The following TRAPPC10 variants were observed in gnomAD, a reference collection of about 807,000 sequenced individuals.
TRAPPC10 encodes TRAPP 130 kDa subunit.
Under a neutral mutation model 125.5 loss-of-function variants are expected in TRAPPC10, and 23 were observed. That is an observed-to-expected ratio of 0.18 (90% confidence interval 0.13 to 0.26). The LOEUF (loss-of-function observed/expected upper bound fraction) is 0.26. Among genes scored for constraint, TRAPPC10 ranks in the 10% least tolerant of loss-of-function variants. TRAPPC10 has a pLI of 1.00. For synonymous variants in TRAPPC10, 509 were observed against 518.0 expected (o/e 0.98, Z 0.24); for missense variants, 1,123 against 1,308.4 (o/e 0.86, Z 2.19).
intron 1 of TRAPPC10, among the ~76,000 whole-genome samples, chr21:44,014,635 G>A (rs1383444958): frequency 2.0e-5 from 3 of 147,722 alleles, no homozygotes; most frequent in African/African-American, 7.7e-5. Context: ...CACCATGTTG[G>A]TGAGGCTGGT....
intron 1 of TRAPPC10, among the ~76,000 whole-genome samples, chr21:44,017,345 CAGT>C (rs1180936186): frequency 6.6e-6 from 1 of 152,124 alleles, no homozygotes; most frequent in Non-Finnish European, 1.5e-5. Flanking sequence ...GAAACGGGTA[CAGT>C]ACCAACCCCA....
intron 3 of TRAPPC10, among the ~76,000 whole-genome samples, chr21:44,051,732 A>G (rs1331175824): frequency 1.3e-5 from 2 of 152,208 alleles, no homozygotes; most frequent in Non-Finnish European, 2.9e-5. Flanking sequence ...TGCCTCTGAC[A>G]CGGCCTTCGC....
intron 1 of TRAPPC10, among the ~76,000 whole-genome samples, chr21:44,029,707 C>T (rs1168501523): frequency 2.0e-5 from 3 of 152,114 alleles, no homozygotes; most frequent in Non-Finnish European, 4.4e-5. Context: ...ACAGCATGGG[C>T]CTTTGTGTCC....
intron 7 of TRAPPC10, among the ~76,000 whole-genome samples, chr21:44,067,768 A>G (rs1340976013): frequency 6.6e-6 from 1 of 152,244 alleles, no homozygotes; most frequent in African/African-American, 2.4e-5. Flanking sequence ...AAACATTTGC[A>G]GGTGCCTGAT....
At chr21:44,042,628 T>G (rs1354489675) in intron 3 of TRAPPC10, among the ~76,000 whole-genome samples, 1 of 152,230 alleles carries the variant, frequency 6.6e-6, no homozygotes, top group Non-Finnish European at 1.5e-5. Context: ...ATGTTAAATA[T>G]CCACAAGACC....
chr21:44,022,757 T>C (rs1166697309), intron 1 of TRAPPC10, among the ~76,000 whole-genome samples: 1 of 152,094 alleles, frequency 6.6e-6, no homozygotes, highest in African/African-American at 2.4e-5. Flanking sequence ...ATGTTCCCTC[T>C]GTCTCTTTTT....
In TRAPPC10 at chr21:44,079,672, C is replaced by G; in HGVS notation, c.1578C>G (p.Ala526=). 6.2e-7 allele frequency: 1 copy of G among 1,607,810 alleles called. No individual in the cohort carries two copies. The highest frequency in any genetic ancestry group is 1.1e-5 in the South Asian group (1 of 89,594). The part of the protein sequence containing the change: ...LPITHTRKQL[A]ECQKHLGQIE... ...TCACACACACAAGGAAGCAGCTGGC[C>G]GAATGTCAAAAGCACCTTGGACAAA... Residue 526 remains alanine, a synonymous_variant, in exon 12 of 23, where the codon GCC becomes GCG. Transcript: ENST00000291574.
At chr21:44,032,015 T>A (rs1039517266) in intron 1 of TRAPPC10, 76 bp from the exon 2 acceptor site, 1 of 1,213,142 alleles carries the variant, frequency 8.2e-7, no homozygotes, top group African/African-American at 1.5e-5. Flanking sequence ...AAAACACCAA[T>A]TTATTAAGCT....
At chr21:44,027,663 G>A (rs992897546) in intron 1 of TRAPPC10, among the ~76,000 whole-genome samples, 3 of 152,138 alleles carry the variant, frequency 2.0e-5, no homozygotes, top group Non-Finnish European at 1.5e-5. Context: ...GTGAAGTGCC[G>A]GGGGCATAGC....
intron 2 of TRAPPC10, among the ~76,000 whole-genome samples, chr21:44,033,449 T>C (rs1418997148): frequency 1.3e-5 from 2 of 152,078 alleles, no homozygotes; most frequent in African/African-American, 4.8e-5. Context: ...GGCCCAGTGC[T>C]GTGAAAGAGA....
rs984761766 is a variant in TRAPPC10 at position 44,059,312 on chromosome 21, G to C, written c.790+98G>C. 6 of 815,726 alleles carry C rather than the reference G, an allele frequency of 7.4e-6. No individual in the cohort carries two copies. The African/African-American group carries it at 8.6e-5, about 12-fold the overall frequency. The allele number at this position is 815,726 out of a possible 1,614,324, so 50.5% of individuals were successfully genotyped here. A position where few individuals can be genotyped will look rare whatever the true frequency, so the allele number is the denominator to read the frequency against. On this transcript the variant is annotated intron_variant, in intron 6 of 22. Coordinates refer to ENST00000291574, the MANE Select transcript of TRAPPC10 (RefSeq NM_003274.5). This position sits in a 1 kb window ranked among gnomAD's most constrained non-coding sequence, Gnocchi z 4.4. ...AGCCATTTATTTACCTCAGGAGTAC[G>C]CATGTTTTGTTGTTGTCTTTATACA...
Position 44,063,581 on chromosome 21 carries a change from C to G in TRAPPC10, c.834C>G (p.Ser278Arg). Residue 278 changes from serine (S) to arginine (R), a missense_variant, in exon 7 of 23, where the codon AGC becomes AGG. By Grantham distance (110) the Ser-to-Arg change is moderately radical. Around this residue, in one of 4 missense-constraint regions of TRAPPC10, gnomAD observed 91 missense variants for 127.1 expected, o/e 0.72. Transcript: ENST00000291574. The surrounding 1 kb of genome is among the most constrained non-coding windows in gnomAD (Gnocchi z 4.4). ...CTTTTTTCTGCCAGCCAGTGAAGAGCTGGAACGGATTGATCCTCCGAAAAC... is the reference window on the plus strand; with the variant it reads ...CTTTTTTCTGCCAGCCAGTGAAGAGGTGGAACGGATTGATCCTCCGAAAAC... ...WLTFFCQPVK[S>R]WNGLILRKPI... 1 of 1,614,200 alleles carries G rather than the reference C, an allele frequency of 6.2e-7. No individual in the cohort carries two copies.
intron 1 of TRAPPC10, among the ~76,000 whole-genome samples, chr21:44,029,152 T>G (rs1224263559): frequency 6.6e-6 from 1 of 152,246 alleles, no homozygotes; most frequent in African/African-American, 2.4e-5. Context: ...TGGAGTGCAG[T>G]GGCGTGATCT....
intron 7 of TRAPPC10, among the ~76,000 whole-genome samples, chr21:44,066,777 T>C (rs1023027430): frequency 6.6e-6 from 1 of 152,190 alleles, no homozygotes; most frequent in Non-Finnish European, 1.5e-5. Flanking sequence ...TACATCTTTG[T>C]GTGTAAATTC....
In TRAPPC10 at chr21:44,084,149, A is replaced by G. The variant is rs563020182; in HGVS notation, c.2266A>G (p.Arg756Gly). Residue 756 changes from arginine (R) to glycine (G), a missense_variant, in exon 15 of 23, where the codon AGG becomes GGG. Transcript: ENST00000291574. ...CAAGGAACCTGGAACGTATACACTC[A>G]GGCAGCTGTGCGCCTCGGTGGGCTC... is the stretch of plus-strand genomic sequence containing the variant. ...QAKEPGTYTL[R>G]QLCASVGSVW... The G allele has an allele frequency of 1.9e-6, 3 of 1,614,226 alleles. No individual in the cohort carries two copies. The highest frequency in any genetic ancestry group is 2.5e-6 in the Non-Finnish European group (3 of 1,180,044).
rs1383545758 is a variant in TRAPPC10, at chr21:44,082,629, G to A, written c.1724-159G>A. On this transcript the variant is annotated intron_variant, in intron 13 of 22. Coordinates refer to ENST00000291574, the MANE Select transcript of TRAPPC10 (RefSeq NM_003274.5). This position sits in a 1 kb window ranked among gnomAD's most constrained non-coding sequence, Gnocchi z 4.4. ...CTGCTTTTGATACAATAGCCTTTGG[G>A]GGGTGTGAAGATGGCAGGAGGCTGG... 6.6e-6 allele frequency among the ~76,000 whole-genome samples: 1 copy of A among 151,622 alleles called. No homozygotes were observed. The highest frequency in any genetic ancestry group is 1.5e-5 in the Non-Finnish European group (1 of 67,982).
At chr21:44,020,484 G>C (rs1401158508) in intron 1 of TRAPPC10, among the ~76,000 whole-genome samples, 3 of 135,216 alleles carry the variant, frequency 2.2e-5, no homozygotes, top group Admixed American at 1.4e-4. Context: ...ATACATTTCA[G>C]AGTTAGCTGG....
chr21:44,079,037 A>G lies in TRAPPC10; in HGVS notation c.1470-527A>G, dbSNP rs1048292035. ...GTTCTCTGGAAGCTGGATCCTGTGGAGTGCTCTTTGCCTGAGTTTCCAAGT... is the reference window on the plus strand; with the variant it reads ...GTTCTCTGGAAGCTGGATCCTGTGGGGTGCTCTTTGCCTGAGTTTCCAAGT... On this transcript the variant is annotated intron_variant, in intron 11 of 22. Transcript: ENST00000291574. Among the ~76,000 whole-genome samples, 16 of 152,232 alleles carry G rather than the reference A, an allele frequency of 1.1e-4. No individual in the cohort carries two copies. The East Asian group carries it at 2.7e-3, about 26-fold the overall frequency.
chr21:44,077,856 T>G, intron 11 of TRAPPC10, 72 bp downstream of exon 11: 1 of 1,220,460 alleles, frequency 8.2e-7, no homozygotes, highest in South Asian at 1.3e-5. Context: ...ATATATGGAG[T>G]TAGTATAAAG....
Sources: gnomAD v4.1 joint callset for allele counts (sites outside exome capture counted in the v4.1 genomes callset) on GRCh38, gnomAD v4.1.1 for gene constraint, gnomAD v4.1.1 regional missense constraint, Gnocchi (gnomAD v3.1) non-coding constraint, MANE v1.5 for transcripts, NCBI Gene and HGNC (gene_info 2026-07-23, HGNC 2026-07-21) for gene names.